Variants in ZNF565 observed in about 807,000 individuals in gnomAD.
ZNF565 encodes the protein zinc finger protein 565.
A neutral mutation model predicts 39.4 loss-of-function variants in ZNF565; 27 were observed. The ratio of observed to expected loss-of-function variants is 0.69; its 90% CI spans 0.51 to 0.95. The LOEUF (loss-of-function observed/expected upper bound fraction) is 0.95, where lower values mean the gene tolerates loss of function less well. Ranked by LOEUF, ZNF565 falls within the 40% of genes least tolerant of loss-of-function variation. The pLI, the probability that ZNF565 is intolerant of heterozygous loss-of-function variation, is 0.00. For synonymous variants in ZNF565, 185 were observed against 216.6 expected (o/e 0.85, Z 1.28); for missense variants, 524 against 621.1 (o/e 0.84, Z 1.66).
Position 36,182,417 on chromosome 19 carries a change from T to G in ZNF565, c.*49A>C. ...AAAAATTACCTAGTACTGAGCCAGATGTGAACTCCACATAAAGGCTTATCT... is the reference window on the plus strand; with the variant it reads ...AAAAATTACCTAGTACTGAGCCAGAGGTGAACTCCACATAAAGGCTTATCT... On this transcript the variant is annotated 3_prime_UTR_variant, in exon 5 of 5. Coordinates refer to ENST00000304116, the MANE Select transcript of ZNF565 (RefSeq NM_152477.5). 1.3e-6 allele frequency: 2 copies of G among 1,494,098 alleles called. No homozygotes were observed. The highest frequency in any genetic ancestry group is 2.8e-5 in the South Asian group (2 of 72,504). The allele number at this position is 1,494,098 out of a possible 1,614,324, so 92.6% of individuals were successfully genotyped here.
intron 1 of ZNF565, chr19:36,238,038 C>G (rs1364693637): frequency 6.0e-6 from 1 of 167,070 alleles, no homozygotes; most frequent in African/African-American, 2.4e-5. Context: ...GAAATACGCA[C>G]TAGGATATTT....
At chr19:36,231,092 C>T (rs1736500916) in intron 1 of ZNF565, among the ~76,000 whole-genome samples, 1 of 152,104 alleles carries the variant, frequency 6.6e-6, no homozygotes, top group African/African-American at 2.4e-5. Flanking sequence ...ATATACGTGA[C>T]ACGCGTAAAC....
intron 4 of ZNF565, among the ~76,000 whole-genome samples, chr19:36,193,676 C>A (rs947939634): frequency 6.6e-6 from 1 of 152,074 alleles, no homozygotes; most frequent in African/African-American, 2.4e-5. Flanking sequence ...CTCCTCACCT[C>A]GTGATCCGCC....
At chr19:36,192,777 C>T (rs1011729296) in intron 4 of ZNF565, among the ~76,000 whole-genome samples, 2 of 151,496 alleles carry the variant, frequency 1.3e-5, no homozygotes, top group African/African-American at 2.4e-5. Flanking sequence ...GCTGAGATTA[C>T]AGGCATGGGC....
At chr19:36,189,506 G>C (rs964628190) in intron 4 of ZNF565, among the ~76,000 whole-genome samples, 1 of 150,482 alleles carries the variant, frequency 6.6e-6, no homozygotes, top group Non-Finnish European at 1.5e-5. Context: ...ACTTTTCATA[G>C]AGATGGGGTT....
At chr19:36,235,636 T>C (rs1267163855) in intron 1 of ZNF565, 1 of 152,244 alleles carries the variant, frequency 6.6e-6, no homozygotes, top group Non-Finnish European at 1.5e-5. Context: ...CTTTGTGCTA[T>C]GGTTCTTTGT....
At chr19:36,204,046 C>G (rs887271045) in intron 1 of ZNF565, among the ~76,000 whole-genome samples, 2 of 150,592 alleles carry the variant, frequency 1.3e-5, no homozygotes, top group Non-Finnish European at 3.0e-5. Context: ...GCCTCCCATA[C>G]TCAAGCGATC....
intron 1 of ZNF565, among the ~76,000 whole-genome samples, chr19:36,226,878 G>A (rs1320993232): frequency 6.6e-6 from 1 of 152,024 alleles, no homozygotes; most frequent in Non-Finnish European, 1.5e-5. Context: ...CTGTGGTCGG[G>A]AGTTTGGGAG....
intron 2 of ZNF565, 29 bp downstream of exon 2, chr19:36,201,948 T>C: frequency 6.2e-7 from 1 of 1,613,300 alleles, no homozygotes; most frequent in Non-Finnish European, 8.5e-7. Context: ...AGACAGATCA[T>C]TCTAAGGATA....
At chr19:36,228,356 C>T (rs1483402105) in intron 1 of ZNF565, 2 of 152,124 alleles carry the variant, frequency 1.3e-5, no homozygotes, top group Non-Finnish European at 2.9e-5. Flanking sequence ...CGAATAAGGG[C>T]TGTAGTTAAA....
intron 2 of ZNF565, among the ~76,000 whole-genome samples, chr19:36,197,049 C>CT (rs1975786113): frequency 6.7e-6 from 1 of 149,782 alleles, no homozygotes; most frequent in African/African-American, 2.5e-5. Context: ...GAGTGAAACT[C>CT]TGTTTAAAAA....
At chr19:36,196,189 CA>C (rs1370681862) in intron 2 of ZNF565, among the ~76,000 whole-genome samples, 1 of 152,180 alleles carries the variant, frequency 6.6e-6, no homozygotes, top group Non-Finnish European at 1.5e-5. Flanking sequence ...CTTGGCCTCC[CA>C]AAGTGTTGGG....
chr19:36,204,354 A>G (rs998965192), intron 1 of ZNF565, among the ~76,000 whole-genome samples: 2 of 152,266 alleles, frequency 1.3e-5, no homozygotes, highest in East Asian at 3.8e-4. Flanking sequence ...AATAGGCAGA[A>G]AAGGGACAGA....
intron 1 of ZNF565, chr19:36,238,666 A>G (rs929243635): frequency 6.0e-6 from 1 of 167,160 alleles, no homozygotes; most frequent in African/African-American, 2.4e-5. Context: ...TAAACATTTT[A>G]TAGAAAATAT....
At chr19:36,218,829 G>A (rs562054019), upstream of ZNF565, among the ~76,000 whole-genome samples, 14 of 140,438 alleles carry the variant, frequency 1.0e-4, no homozygotes, top group East Asian at 1.1e-3. Context: ...TGGAGGGGGG[G>A]ACAGAGTCTC....
At chr19:36,185,624 T>G (rs1306175869) in intron 4 of ZNF565, among the ~76,000 whole-genome samples, 1 of 151,846 alleles carries the variant, frequency 6.6e-6, no homozygotes, top group Non-Finnish European at 1.5e-5. Flanking sequence ...ATCTCAGATC[T>G]CTCATCAGGT....
rs1659842563 is a variant in ZNF565, at chr19:36,245,194, C to CT, written c.55+281_55+282insA. ...AGTCGGGGTCTGTTGCTACGGGTCC[C>CT]CTGGGCTCCTTTGAATCGCTTTGGC... is the stretch of plus-strand genomic sequence containing the variant. On this transcript the variant is annotated intron_variant, in intron 1 of 4. Transcript: ENST00000355114. This position sits in a 1 kb window ranked among gnomAD's most constrained non-coding sequence, Gnocchi z 4.4. Among the ~76,000 whole-genome samples, 1 of 152,170 alleles carries CT rather than the reference C, an allele frequency of 6.6e-6. No homozygotes were observed. Among genetic ancestry groups the CT allele is most frequent in the Non-Finnish European group, 1.5e-5 (1 of 68,036 alleles).
At chr19:36,218,954 G>A (rs1379582504), upstream of ZNF565, among the ~76,000 whole-genome samples, 1 of 151,176 alleles carries the variant, frequency 6.6e-6, no homozygotes, top group South Asian at 2.1e-4. Flanking sequence ...GACTACGGGC[G>A]CCCACCACCA....
At chr19:36,243,072 C>A (rs192715907) in intron 1 of ZNF565, among the ~76,000 whole-genome samples, 1 of 152,042 alleles carries the variant, frequency 6.6e-6, no homozygotes, top group African/African-American at 2.4e-5. Flanking sequence ...TCGCTCTTGT[C>A]CCCCAGGCTG....
Sources: gnomAD v4.1 joint callset for allele counts (sites outside exome capture counted in the v4.1 genomes callset) on GRCh38, gnomAD v4.1.1 for gene constraint, Gnocchi (gnomAD v3.1) non-coding constraint, MANE v1.5 for transcripts, NCBI Gene and HGNC (gene_info 2026-07-23, HGNC 2026-07-21) for gene names.